ARPC1B: variants seen among roughly 807,000 people sequenced by gnomAD.
ARPC1B encodes the protein actin-related protein 2/3 complex subunit 1B.
A neutral mutation model predicts 46.0 loss-of-function variants in ARPC1B; 29 were observed. The ratio of observed to expected loss-of-function variants is 0.63; its 90% CI spans 0.47 to 0.86. ARPC1B has a LOEUF of 0.86. Ranked by LOEUF, ARPC1B falls within the 40% of genes least tolerant of loss-of-function variation. The pLI is 0.00. For synonymous variants in ARPC1B, 201 were observed against 213.9 expected (o/e 0.94, Z 0.53); for missense variants, 469 against 529.4 (o/e 0.89, Z 1.12).
rs201955829 is a variant in ARPC1B, at chr7:99,394,534, G to A, written c.*45G>A. On this transcript the variant is annotated 3_prime_UTR_variant, in exon 10 of 10. Transcript: ENST00000646101. ...CTTCATCCTAGCTGCTGGGGAAGCG[G>A]GGAGAGGGGTCAGGGAGGCTAATGG... is the stretch of plus-strand genomic sequence containing the variant. The A allele has an allele frequency of 1.4e-5, 23 of 1,613,844 alleles. No homozygotes were observed. In the Admixed American group the frequency reaches 2.2e-4, roughly 15 times the overall value.
At chr7:99,389,444 C>G (rs1794500103) in intron 4 of ARPC1B, 1 of 159,164 alleles carries the variant, frequency 6.3e-6, no homozygotes, top group Admixed American at 6.1e-5. Flanking sequence ...TGGTCTTGAA[C>G]TCCTGGCCTC....
In ARPC1B at chr7:99,394,715, C is replaced by T. The variant is rs1295873050; in HGVS notation, c.*226C>T. ...CATTTATTGAAAAAAAAAAAAAATG[C>T]CCCCAAAGCACTATGCTGGTCATGA... is the stretch of plus-strand genomic sequence containing the variant. On this transcript the variant is annotated 3_prime_UTR_variant, in exon 10 of 10. Transcript: ENST00000646101. 12 of 1,309,108 alleles carry T rather than the reference C, an allele frequency of 9.2e-6. No homozygotes were observed. Among genetic ancestry groups the T allele is most frequent in the African/African-American group, 2.0e-5 (1 of 49,028 alleles). 81.1% of individuals were successfully genotyped at this position (1,309,108 alleles called of 1,614,324 possible).
At chr7:99,375,699 G>C (rs560322150) in intron 1 of ARPC1B, among the ~76,000 whole-genome samples, 1 of 152,224 alleles carries the variant, frequency 6.6e-6, no homozygotes, top group Non-Finnish European at 1.5e-5. Flanking sequence ...CAGGCGGGAG[G>C]ATCGCTTGAG....
rs35192470 is a variant in ARPC1B at position 99,387,736 on chromosome 7, CAAAA to C, written c.170-284_170-281del. ...TGGGCGGCTGAGCGAGACTCTGTCT[CAAAA>C]AAAAAAAAAAAAAAAAAAGATTGGT... On this transcript the variant is annotated intron_variant, in intron 3 of 9. Coordinates refer to ENST00000646101, the MANE Select transcript of ARPC1B (RefSeq NM_005720.4). 1.5e-4 allele frequency among the ~76,000 whole-genome samples: 9 copies of C among 61,418 alleles called. No homozygotes were observed. In the East Asian group the frequency reaches 2.3e-3, roughly 15 times the overall value. 40.3% of individuals were successfully genotyped at this position (61,418 alleles called of 152,430 possible).
intron 8 of ARPC1B, 84 bp from the exon 9 acceptor site, chr7:99,393,945 G>T: frequency 5.0e-6 from 7 of 1,401,402 alleles, no homozygotes; most frequent in South Asian, 1.1e-5. Context: ...TCCCCAAGAA[G>T]TCTGGGAGCG....
intron 1 of ARPC1B, among the ~76,000 whole-genome samples, chr7:99,376,899 A>G (rs1455818074): frequency 1.3e-5 from 2 of 152,008 alleles, no homozygotes; most frequent in African/African-American, 4.8e-5. Flanking sequence ...CAAACAAAAA[A>G]TGTCTCAGGC....
intron 3 of ARPC1B, among the ~76,000 whole-genome samples, chr7:99,387,466 G>A (rs547058425): frequency 5.3e-5 from 8 of 151,438 alleles, no homozygotes; most frequent in South Asian, 2.1e-4. Flanking sequence ...GGCCGGGTGC[G>A]GTGGCTTGCG....
chr7:99,390,110 T>C, intron 5 of ARPC1B, 98 bp downstream of exon 5: 1 of 1,098,006 alleles, frequency 9.1e-7, no homozygotes, highest in Admixed American at 1.9e-5. Flanking sequence ...CCCCAGCTTC[T>C]AGACACATTC....
chr7:99,385,770 A>G lies in ARPC1B; in HGVS notation c.56A>G (p.Asp19Gly), dbSNP rs549905620. 2 of 1,609,882 alleles carry G rather than the reference A, an allele frequency of 1.2e-6. No individual in the cohort carries two copies. Among genetic ancestry groups the G allele is most frequent in the East Asian group, 2.2e-5 (1 of 44,792 alleles). Residue 19 changes from aspartate to glycine, a missense_variant, in exon 2 of 10, where the codon GAC (aspartate) becomes GGC (glycine). Physicochemically the swap from Asp to Gly is moderately conservative, Grantham distance 94. Coordinates refer to ENST00000646101, the MANE Select transcript of ARPC1B (RefSeq NM_005720.4). ...EPISCHAWNK[D>G]RTQIAICPNN... is the part of the protein sequence containing the mutation. ...ATCAGCTGCCACGCCTGGAACAAGG[A>G]CCGCACCCGTGAGTGCTTGCTGGGG...
At position 99,390,933 on chromosome 7, in the gene ARPC1B, GCACC is replaced by G; in HGVS notation, c.547_550del (p.Thr183ArgfsTer11). On this transcript the variant is annotated frameshift_variant, in exon 6 of 10. Coordinates refer to ENST00000646101, the MANE Select transcript of ARPC1B (RefSeq NM_005720.4). LOFTEE classifies it high-confidence loss of function. ...CATCAAGGAGGTGGAGGAACGGCCG[GCACC>G]CACCCCGTGGGGCTCCAAGATGCCC... The G allele has an allele frequency of 3.7e-6, 6 of 1,612,646 alleles. No individual in the cohort carries two copies. The highest frequency in any genetic ancestry group is 5.1e-6 in the Non-Finnish European group (6 of 1,179,100).
rs377232345 is a variant in ARPC1B, at chr7:99,394,133, C to A, written c.1080+14C>A. The A allele has an allele frequency of 5.0e-6, 8 of 1,612,326 alleles. No individual in the cohort carries two copies. In the South Asian group the frequency reaches 8.8e-5, roughly 18 times the overall value. On this transcript the variant is annotated intron_variant, in intron 9 of 9. Coordinates refer to ENST00000646101, the MANE Select transcript of ARPC1B (RefSeq NM_005720.4). ...TGGGATGTGAAGGTGAGGCTTGCCC[C>A]TCCTGGCTTCCCGCCATGCCTCCCA...
At chr7:99,380,291 C>G (rs760476354) in intron 1 of ARPC1B, among the ~76,000 whole-genome samples, 13 of 151,132 alleles carry the variant, frequency 8.6e-5, no homozygotes, top group Non-Finnish European at 1.8e-4. Flanking sequence ...CCTTTTTGCT[C>G]TCCCACTTCC....
intron 2 of ARPC1B, 118 bp downstream of exon 2, chr7:99,385,896 C>A: frequency 9.2e-7 from 1 of 1,083,556 alleles, no homozygotes; most frequent in Non-Finnish European, 1.3e-6. Flanking sequence ...CTCCATGTGG[C>A]TGTCCCCTGG....
At chr7:99,388,305 G>T (rs778751194) in intron 4 of ARPC1B, 44 bp downstream of exon 4, 1 of 1,595,352 alleles carries the variant, frequency 6.3e-7, no homozygotes. Flanking sequence ...AGGGACCGGG[G>T]GCAGGACTAG....
At chr7:99,393,002 C>T (rs1794621272) in intron 8 of ARPC1B, 126 bp downstream of exon 8, 1 of 1,047,990 alleles carries the variant, frequency 9.5e-7, no homozygotes, top group South Asian at 1.8e-5. Context: ...GACTGGGGAC[C>T]CGGAGGGAGG....
chr7:99,386,007 T>C (rs912600804), intron 2 of ARPC1B, among the ~76,000 whole-genome samples: 1 of 151,922 alleles, frequency 6.6e-6, no homozygotes, highest in African/African-American at 2.4e-5. Flanking sequence ...TCCCGGCACT[T>C]TGGGAGGCTG....
intron 3 of ARPC1B, 61 bp downstream of exon 3, chr7:99,386,850 C>A: frequency 7.8e-7 from 1 of 1,284,894 alleles, no homozygotes; most frequent in Non-Finnish European, 1.1e-6. Flanking sequence ...GGGGGTGGTG[C>A]AAGGCAGGGC....
At chr7:99,382,758 G>T (rs1584401728) in intron 1 of ARPC1B, among the ~76,000 whole-genome samples, 1 of 151,702 alleles carries the variant, frequency 6.6e-6, no homozygotes, top group African/African-American at 2.4e-5. Context: ...ACAGGCATGA[G>T]CCACTGCGCC....
At position 99,394,024 on chromosome 7, in the gene ARPC1B, T is replaced by C; in HGVS notation, c.990-5T>C. The C allele has an allele frequency of 1.2e-6, 2 of 1,612,518 alleles. No homozygotes were observed. The highest frequency in any genetic ancestry group is 1.7e-6 in the Non-Finnish European group (2 of 1,180,016). ...GAATTCATAAGCTCCTCTTCCTCTT[T>C]GCAGCCAGATCTCGGTGCTCAGCGG... On this transcript the variant is annotated splice_region_variant and splice_polypyrimidine_tract_variant and intron_variant, in intron 8 of 9. Transcript: ENST00000646101.
Sources: allele counts gnomAD v4.1 joint callset (sites outside exome capture counted in the v4.1 genomes callset), GRCh38; gene constraint gnomAD v4.1.1; transcripts MANE v1.5; gene names NCBI Gene and HGNC (gene_info 2026-07-23, HGNC 2026-07-21).